The following CLK3 variants were observed in gnomAD, a reference collection of about 807,000 sequenced individuals.
CLK3 encodes dual specificity protein kinase CLK3.
Under a neutral mutation model 65.2 loss-of-function variants are expected in CLK3, and 24 were observed. The ratio of observed to expected loss-of-function variants is 0.37; its 90% CI spans 0.27 to 0.52. The LOEUF (loss-of-function observed/expected upper bound fraction) is 0.52. Among genes scored for constraint, CLK3 ranks in the 20% least tolerant of loss-of-function variants. The pLI, the probability that CLK3 is intolerant of heterozygous loss-of-function variation, is 0.92. For synonymous variants in CLK3, 252 were observed against 240.8 expected (o/e 1.05, Z -0.43); for missense variants, 506 against 660.0 (o/e 0.77, Z 2.56).
intron 10 of CLK3, among the ~76,000 whole-genome samples, 192 bp from the exon 11 acceptor site, chr15:74,628,410 CCA>C (rs563581944): frequency 3.4e-4 from 52 of 152,146 alleles, no homozygotes; most frequent in Non-Finnish European, 1.8e-4. Flanking sequence ...TAGTCACAGC[CCA>C]GTCCACCTCC....
Position 74,619,357 on chromosome 15 carries a change from G to T in CLK3, c.152+9G>T. ...AGATCTCGGTCCAGAAGGTGAGAGG[G>T]AACTAGATAGGAGGGAAAGACTCCT... On this transcript the variant is annotated intron_variant, in intron 2 of 12. Transcript: ENST00000395066. 6.2e-7 allele frequency: 1 copy of T among 1,613,820 alleles called. No homozygotes were observed. Among genetic ancestry groups the T allele is most frequent in the South Asian group, 1.1e-5 (1 of 91,056 alleles).
chr15:74,619,451 C>G (rs2062084610), intron 2 of CLK3, 103 bp downstream of exon 2: 1 of 1,309,182 alleles, frequency 7.6e-7, no homozygotes. Flanking sequence ...CCCAGCTGTC[C>G]CTGGATCCCT....
At chr15:74,628,755 A>T in intron 11 of CLK3, 72 bp downstream of exon 11, 1 of 1,315,912 alleles carries the variant, frequency 7.6e-7, no homozygotes, top group Non-Finnish European at 1.1e-6. Context: ...TCAGCAGGGT[A>T]CTGGATGTGG....
Position 74,627,269 on chromosome 15 carries a change from C to A in CLK3, c.818-83C>A. 1 of 1,060,882 alleles carries A rather than the reference C, an allele frequency of 9.4e-7. No individual in the cohort carries two copies. Among genetic ancestry groups the A allele is most frequent in the Non-Finnish European group, 1.5e-6 (1 of 679,018 alleles). 65.7% of individuals were successfully genotyped at this position (1,060,882 alleles called of 1,614,324 possible). A position where few individuals can be genotyped will look rare whatever the true frequency, so the allele number is the denominator to read the frequency against. ...TGTGAGGACCTCTGGCAGTTGCTGG[C>A]ATTGGAAGAGGGGTCTGGCCTAGAG... On this transcript the variant is annotated intron_variant, in intron 7 of 12. Transcript: ENST00000395066. The surrounding 1 kb of genome is among the most constrained non-coding windows in gnomAD (Gnocchi z 4.3).
Position 74,622,703 on chromosome 15 carries a change from C to A in CLK3, c.533+143C>A, listed in dbSNP as rs950551372. On this transcript the variant is annotated intron_variant, in intron 5 of 12. Coordinates refer to ENST00000395066, the MANE Select transcript of CLK3 (RefSeq NM_001130028.2). The surrounding 1 kb of genome is among the most constrained non-coding windows in gnomAD (Gnocchi z 4.6). ...CATCAAAGTAGGGTTCCGACCTGTC[C>A]ATGTTGGGGTTTTGCTGACCCCCTG... 5.4e-6 allele frequency: 3 copies of A among 554,546 alleles called. No individual in the cohort carries two copies. The East Asian group carries it at 9.2e-5, about 17-fold the overall frequency. The allele number at this position is 554,546 out of a possible 1,614,324, so 34.4% of individuals were successfully genotyped here.
intron 3 of CLK3, chr15:74,620,500 G>C (rs765341244): frequency 1.8e-6 from 1 of 554,958 alleles, no homozygotes; most frequent in African/African-American, 1.9e-5. Context: ...CAGTGCTCCA[G>C]ACAAAGGCCA....
chr15:74,614,252 G>C (rs143063137), upstream of CLK3, among the ~76,000 whole-genome samples: 1,118 of 152,278 alleles, frequency 7.3e-3, 14 homozygotes, highest in African/African-American at 0.026. Context: ...GACCTCAGGT[G>C]ATCATCCACC....
In CLK3 at chr15:74,622,198, G is replaced by A. The variant is rs761076718; in HGVS notation, c.448G>A (p.Asp150Asn). 2 of 1,613,844 alleles carry A rather than the reference G, an allele frequency of 1.2e-6. No individual in the cohort carries two copies. Among genetic ancestry groups the A allele is most frequent in the Non-Finnish European group, 1.7e-6 (2 of 1,179,776 alleles). The change falls in exon 4 of 13, where the codon GAT (aspartate) becomes AAT (asparagine). Residue 150 changes from aspartate to asparagine, a missense_variant. Around this residue, in one of 2 missense-constraint regions of CLK3, gnomAD observed 325 missense variants for 500.5 expected, o/e 0.65. Transcript: ENST00000395066. The surrounding 1 kb of genome is among the most constrained non-coding windows in gnomAD (Gnocchi z 4.6). The stretch of plus-strand genomic sequence containing the variant: ...GGGTCACCTGGTGTGCCGGATCGGC[G>A]ATTGGCTCCAAGAGCGATGTACAGC... ...KEGHLVCRIG[D>N]WLQERYEIVG...
chr15:74,620,585 T>C (rs1213518146), intron 3 of CLK3: 1 of 339,904 alleles, frequency 2.9e-6, no homozygotes, highest in Admixed American at 4.4e-5. Flanking sequence ...TATGGTGGTC[T>C]GCAGCTATAT....
chr15:74,625,041 A>C, intron 6 of CLK3, 23 bp downstream of exon 6: 1 of 1,573,402 alleles, frequency 6.4e-7, no homozygotes, highest in Non-Finnish European at 8.7e-7. Context: ...AAGGAGTGGG[A>C]GGGAAGCCTT....
At chr15:74,609,709 G>T (rs906830698) in intron 1 of CLK3, among the ~76,000 whole-genome samples, 4 of 152,240 alleles carry the variant, frequency 2.6e-5, no homozygotes, top group Non-Finnish European at 5.9e-5. Flanking sequence ...CCTGGGCCCT[G>T]CCTCCATCCC....
rs932892847 is a variant in CLK3, at chr15:74,628,062, C to T, written c.1125+10C>T. On this transcript the variant is annotated intron_variant, in intron 10 of 12. Transcript: ENST00000395066. Reference sequence around the variant, plus strand: ...CTTCACACTCTTCCAGGTACAGCCACCCTGCATTGGTCCCCTACCCTGAGT... The same window carrying T: ...CTTCACACTCTTCCAGGTACAGCCATCCTGCATTGGTCCCCTACCCTGAGT... 6.3e-7 allele frequency: 1 copy of T among 1,592,190 alleles called. No homozygotes were observed. Among genetic ancestry groups the T allele is most frequent in the African/African-American group, 1.3e-5 (1 of 74,622 alleles).
intron 12 of CLK3, chr15:74,629,413 G>A (rs1179830201): frequency 1.9e-5 from 10 of 539,740 alleles, no homozygotes; most frequent in East Asian, 1.3e-4. Flanking sequence ...TTTGGTGCTC[G>A]GACAAGTGAA....
upstream of CLK3, among the ~76,000 whole-genome samples, chr15:74,612,444 C>T (rs1190874122): frequency 6.6e-6 from 1 of 152,090 alleles, no homozygotes; most frequent in Non-Finnish European, 1.5e-5. Context: ...CACCATCACC[C>T]TCCTCACCTC....
In CLK3 at chr15:74,620,195, C is replaced by G. The variant is rs2062090889; in HGVS notation, c.339C>G (p.Arg113=). ...TRKHAHHCHK[R]RTRSCSSASS... ...AGCATGCCCACCACTGCCACAAACG[C>G]CGCACCAGGTCTTGTAGCAGCGCCT... The change falls in exon 3 of 13, where the codon CGC becomes CGG. Residue 113 remains arginine (R), a synonymous_variant. Coordinates refer to ENST00000395066, the MANE Select transcript of CLK3 (RefSeq NM_001130028.2). The G allele has an allele frequency of 3.1e-6, 5 of 1,614,112 alleles. No homozygotes were observed. Among genetic ancestry groups the G allele is most frequent in the Non-Finnish European group, 4.2e-6 (5 of 1,180,048 alleles).
chr15:74,618,537 C>T (rs905152394), intron 1 of CLK3, among the ~76,000 whole-genome samples: 7 of 152,180 alleles, frequency 4.6e-5, no homozygotes, highest in South Asian at 2.1e-4. Context: ...AAGTTAGATG[C>T]GCTGGGTCCA....
In CLK3 at chr15:74,621,892, C is replaced by T. The variant is rs765030980; in HGVS notation, c.370-228C>T. On this transcript the variant is annotated intron_variant, in intron 3 of 12. Coordinates refer to ENST00000395066, the MANE Select transcript of CLK3 (RefSeq NM_001130028.2). This position sits in a 1 kb window ranked among gnomAD's most constrained non-coding sequence, Gnocchi z 4.8. Reference sequence around the variant, plus strand: ...CTTTACATACCTGTAGCTGTTTTTACTTTTCTGTTTTTGAAGTCAGTTTGT... The same window carrying T: ...CTTTACATACCTGTAGCTGTTTTTATTTTTCTGTTTTTGAAGTCAGTTTGT... 1 of 583,434 alleles carries T rather than the reference C, an allele frequency of 1.7e-6. No homozygotes were observed. The highest frequency in any genetic ancestry group is 1.6e-5 in the South Asian group (1 of 63,024). 36.1% of individuals were successfully genotyped at this position (583,434 alleles called of 1,614,324 possible). A position where few individuals can be genotyped will look rare whatever the true frequency, so the allele number is the denominator to read the frequency against.
In CLK3 at chr15:74,622,045, G is replaced by T; in HGVS notation, c.370-75G>T. On this transcript the variant is annotated intron_variant, in intron 3 of 12. Transcript: ENST00000395066. The surrounding 1 kb of genome is among the most constrained non-coding windows in gnomAD (Gnocchi z 4.6). ...ACCGTCTCCACCTCTGCCTTTGACT[G>T]ACACCTCAATCTGTCAATCGGAACC... The T allele has an allele frequency of 7.1e-7, 1 of 1,413,194 alleles. No homozygotes were observed. Among genetic ancestry groups the T allele is most frequent in the Non-Finnish European group, 1.0e-6 (1 of 1,000,116 alleles). The allele number at this position is 1,413,194 out of a possible 1,614,324, so 87.5% of individuals were successfully genotyped here. A position where few individuals can be genotyped will look rare whatever the true frequency, so the allele number is the denominator to read the frequency against.
Position 74,628,692 on chromosome 15 carries a change from C to T in CLK3, c.1205+9C>T, listed in dbSNP as rs200231869. 2.4e-4 allele frequency: 389 copies of T among 1,605,438 alleles called. No individual in the cohort carries two copies. The highest frequency in any genetic ancestry group is 3.1e-4 in the Non-Finnish European group (365 of 1,175,254). On this transcript the variant is annotated intron_variant, in intron 11 of 12. Transcript: ENST00000395066. The stretch of plus-strand genomic sequence containing the variant: ...ATGATCCACCGTACCAGGTAAGGAC[C>T]CCAGTAGCCCCCTCAGGGTTGGTAT...
Sources: gnomAD v4.1 joint callset for allele counts (sites outside exome capture counted in the v4.1 genomes callset) on GRCh38, gnomAD v4.1.1 for gene constraint, gnomAD v4.1.1 regional missense constraint, Gnocchi (gnomAD v3.1) non-coding constraint, MANE v1.5 for transcripts, NCBI Gene and HGNC (gene_info 2026-07-23, HGNC 2026-07-21) for gene names.